Variants in CLPSL1 observed in about 807,000 individuals in gnomAD.
CLPSL1 encodes colipase like 1.
A neutral mutation model predicts 9.3 loss-of-function variants in CLPSL1; 13 were observed. The ratio of observed to expected loss-of-function variants is 1.40; its 90% CI spans 0.91 to 2.22. CLPSL1 has a LOEUF of 2.22. Among genes scored for constraint, CLPSL1 ranks in the 30% most tolerant of loss-of-function variants. The probability of loss-of-function intolerance (pLI) is 0.00; values close to 1 mark genes in which losing one functional copy is unlikely to be tolerated. For missense variants in CLPSL1, 164 were observed against 146.6 expected, an observed-to-expected ratio of 1.12 and a Z score of -0.61; for synonymous variants, 58 against 56.9, an observed-to-expected ratio of 1.02 and a Z score of -0.08.
chr6:35,781,312 G>A, intron 1 of CLPSL1, 103 bp downstream of exon 1: 1 of 1,474,644 alleles, frequency 6.8e-7, no homozygotes, highest in South Asian at 1.3e-5. Flanking sequence ...GAGAAGGCCA[G>A]AAGTGGGGGC....
downstream of CLPSL1, chr6:35,788,158 C>T (rs1439249312): frequency 4.2e-6 from 3 of 722,816 alleles, no homozygotes; most frequent in Non-Finnish European, 7.3e-6. Flanking sequence ...ATGTTTGCTG[C>T]CCACAGAGTT....
At chr6:35,785,171 G>A (rs1223331052) in intron 1 of CLPSL1, among the ~76,000 whole-genome samples, 4 of 125,968 alleles carry the variant, frequency 3.2e-5, no homozygotes, top group Non-Finnish European at 3.3e-5. Context: ...TGTGCCCCTG[G>A]AAATTTTTTT....
chr6:35,781,475 A>AT (rs751664320), intron 1 of CLPSL1, among the ~76,000 whole-genome samples: 1 of 152,166 alleles, frequency 6.6e-6, no homozygotes, highest in Non-Finnish European at 1.5e-5. Context: ...GGAGACAGAT[A>AT]TTCACTCATG....
At chr6:35,784,630 T>C (rs1768032362) in intron 1 of CLPSL1, among the ~76,000 whole-genome samples, 1 of 152,056 alleles carries the variant, frequency 6.6e-6, no homozygotes, top group Admixed American at 6.6e-5. Context: ...CCAGGTGTGG[T>C]GGTTCATGGC....
intron 1 of CLPSL1, among the ~76,000 whole-genome samples, chr6:35,784,682 C>T (rs2766585): frequency 0.61 from 92,899 of 152,032 alleles, 28,495 homozygotes; most frequent in Middle Eastern, 0.69. Context: ...GGAGGATTGT[C>T]TGAGCCCAGA....
At position 35,787,963 on chromosome 6, in the gene CLPSL1, T is replaced by C; in HGVS notation, c.319T>C (p.Cys107Arg). 6.2e-7 allele frequency: 1 copy of C among 1,613,846 alleles called. No individual in the cohort carries two copies. The highest frequency in any genetic ancestry group is 8.5e-7 in the Non-Finnish European group (1 of 1,179,694). ...ATGGCTTAGCATCGCCTATGGCCGT[T>C]GTCAGAAAATTGGAAGGCAGAAGTT... ...EKWLSIAYGR[C>R]QKIGRQKLAK... is the part of the protein sequence containing the mutation. The change falls in exon 3 of 3, where the codon TGT becomes CGT. Residue 107 changes from cysteine (C) to arginine (R), a missense_variant. Coordinates refer to ENST00000373861, the MANE Select transcript of CLPSL1 (RefSeq NM_001010886.5).
chr6:35,791,886 G>A (rs1052019367), downstream of CLPSL1, among the ~76,000 whole-genome samples: 1 of 152,008 alleles, frequency 6.6e-6, no homozygotes, highest in African/African-American at 2.4e-5. Context: ...TGGGCAACAT[G>A]GTGAAACCCC....
intron 1 of CLPSL1, among the ~76,000 whole-genome samples, chr6:35,784,412 G>A (rs2151060342): frequency 6.6e-6 from 1 of 152,258 alleles, no homozygotes; most frequent in Non-Finnish European, 1.5e-5. Flanking sequence ...GGGTATTAAT[G>A]AGGCATGTCC....
At chr6:35,789,469 C>T (rs1477143160), downstream of CLPSL1, among the ~76,000 whole-genome samples, 1 of 152,234 alleles carries the variant, frequency 6.6e-6, no homozygotes, top group Non-Finnish European at 1.5e-5. Flanking sequence ...ATATAAGACC[C>T]AAAACTGTAA....
chr6:35,786,056 G>C (rs1768066600), intron 1 of CLPSL1, among the ~76,000 whole-genome samples: 1 of 151,974 alleles, frequency 6.6e-6, no homozygotes. Flanking sequence ...CCTGAGGTCA[G>C]AAGTTCGAGA....
chr6:35,788,045 C>G lies in CLPSL1; in HGVS notation c.*35C>G. The G allele has an allele frequency of 6.6e-7, 1 of 1,506,624 alleles. No homozygotes were observed. The highest frequency in any genetic ancestry group is 9.2e-7 in the Non-Finnish European group (1 of 1,083,900). 93.3% of individuals were successfully genotyped at this position (1,506,624 alleles called of 1,614,324 possible). A position where few individuals can be genotyped will look rare whatever the true frequency, so the allele number is the denominator to read the frequency against. On this transcript the variant is annotated 3_prime_UTR_variant, in exon 3 of 3. Transcript: ENST00000373861. The stretch of plus-strand genomic sequence containing the variant: ...CTTCTTGCTGCCTCCTCCTCCTCCA[C>G]CTGCTCTCCTCCCTACCCAGAGCTC...
chr6:35,781,894 C>T (rs567294930), intron 1 of CLPSL1, among the ~76,000 whole-genome samples: 1 of 151,988 alleles, frequency 6.6e-6, no homozygotes, highest in South Asian at 2.1e-4. Context: ...TACAGGCACC[C>T]ACTGCCACGC....
At chr6:35,785,195 T>TTTG (rs1768044653) in intron 1 of CLPSL1, among the ~76,000 whole-genome samples, 1 of 149,918 alleles carries the variant, frequency 6.7e-6, no homozygotes, top group African/African-American at 2.5e-5. Flanking sequence ...TTTTTTTTTT[T>TTTG]GAGACAGAGT....
chr6:35,788,641 G>C (rs375729585), downstream of CLPSL1, among the ~76,000 whole-genome samples: 103 of 152,344 alleles, frequency 6.8e-4, no homozygotes, highest in African/African-American at 2.2e-3. Flanking sequence ...CAGTTGGAAA[G>C]TGCTGAATCT....
At chr6:35,788,446 CAA>C (rs2151062412), downstream of CLPSL1, among the ~76,000 whole-genome samples, 1 of 152,390 alleles carries the variant, frequency 6.6e-6, no homozygotes, top group East Asian at 1.9e-4. Context: ...AGAAGGTACA[CAA>C]AATATCCATG....
chr6:35,786,133 C>T (rs555348097), intron 1 of CLPSL1, among the ~76,000 whole-genome samples: 30 of 152,126 alleles, frequency 2.0e-4, no homozygotes, highest in Admixed American at 9.2e-4. Context: ...GGCATGGTGG[C>T]GCACGGCTGT....
rs943589845 is a variant in CLPSL1 at position 35,786,839 on chromosome 6, C to A, written c.100-159C>A. Among the ~76,000 whole-genome samples, 7 of 152,404 alleles carry A rather than the reference C, an allele frequency of 4.6e-5. 1 individual carries two copies. The East Asian group carries it at 1.3e-3, about 29-fold the overall frequency. ...GGCATCCACCGTCTGCACAGACTTA[C>A]CCCGGCCCCCACGTAGAGACCACCC... On this transcript the variant is annotated intron_variant, in intron 1 of 2. Coordinates refer to ENST00000373861, the MANE Select transcript of CLPSL1 (RefSeq NM_001010886.5).
chr6:35,790,306 T>C (rs1561942774), downstream of CLPSL1, among the ~76,000 whole-genome samples: 1 of 152,270 alleles, frequency 6.6e-6, no homozygotes, highest in South Asian at 2.1e-4. Context: ...AGTTGTTAAT[T>C]TTTTTAATAA....
At chr6:35,789,048 G>A (rs112603104), downstream of CLPSL1, among the ~76,000 whole-genome samples, 103 of 152,360 alleles carry the variant, frequency 6.8e-4, no homozygotes, top group African/African-American at 2.3e-3. Context: ...ATAGCAAAAC[G>A]ATGTGAACCA....
Sources: allele counts gnomAD v4.1 joint callset (sites outside exome capture counted in the v4.1 genomes callset), GRCh38; gene constraint gnomAD v4.1.1; transcripts MANE v1.5; gene names NCBI Gene and HGNC (gene_info 2026-07-23, HGNC 2026-07-21).